Variants in RBM20 observed in about 807,000 individuals in gnomAD.
The protein encoded by RBM20 is RNA binding motif protein 20.
Under a neutral mutation model 110.1 loss-of-function variants are expected in RBM20, and 51 were observed. That is an observed-to-expected ratio of 0.46 (90% confidence interval 0.37 to 0.59). RBM20 has a LOEUF of 0.59. RBM20 is among the 20% of genes least tolerant of loss of function. The pLI is 0.00. For missense variants in RBM20, 1,512 were observed against 1,574.9 expected, an observed-to-expected ratio of 0.96 and a Z score of 0.68; for synonymous variants, 589 against 618.2, an observed-to-expected ratio of 0.95 and a Z score of 0.70.
chr10:110,828,811 T>C (rs73360826), intron 12 of RBM20, among the ~76,000 whole-genome samples: 1 of 152,178 alleles, frequency 6.6e-6, no homozygotes, highest in Admixed American at 6.5e-5. Context: ...CAAGGTTTTT[T>C]TTTGTTTGTT....
At chr10:110,648,716 G>GA (rs66484725) in intron 1 of RBM20, among the ~76,000 whole-genome samples, 6 of 61,120 alleles carry the variant, frequency 9.8e-5, no homozygotes, top group Non-Finnish European at 2.4e-4. Flanking sequence ...GGAAGAAAAG[G>GA]GGGGGGTGCT....
intron 7 of RBM20, among the ~76,000 whole-genome samples, chr10:110,804,336 C>G (rs1047249927): frequency 6.6e-6 from 1 of 152,054 alleles, no homozygotes; most frequent in Non-Finnish European, 1.5e-5. Context: ...GAGTGGCTAC[C>G]GGGAAGGTAG....
At chr10:110,791,455 C>T (rs980675687) in intron 5 of RBM20, among the ~76,000 whole-genome samples, 4 of 152,244 alleles carry the variant, frequency 2.6e-5, no homozygotes, top group Non-Finnish European at 5.9e-5. Context: ...TTTACGGCAA[C>T]TCTAAGTTAT....
At position 110,726,829 on chromosome 10, in the gene RBM20, C is replaced by T. The variant is rs184776667; in HGVS notation, c.192-53972C>T. On this transcript the variant is annotated intron_variant, in intron 1 of 13. Transcript: ENST00000369519. ...GAGGGCAGGGGCCCACAGGGAATCT[C>T]ACCTGAGCCTGTATTTTTGTTTTGT... 8.5e-4 allele frequency among the ~76,000 whole-genome samples: 130 copies of T among 152,278 alleles called. 1 individual carries two copies. Among genetic ancestry groups the T allele is most frequent in the Non-Finnish European group, 6.8e-4 (46 of 68,014 alleles).
chr10:110,695,178 C>G (rs981937856), intron 1 of RBM20, among the ~76,000 whole-genome samples: 2 of 152,152 alleles, frequency 1.3e-5, no homozygotes, highest in Non-Finnish European at 2.9e-5. Context: ...GTGGATGACC[C>G]AAAGACCCCT....
chr10:110,781,454 T>G lies in RBM20; in HGVS notation c.845T>G (p.Phe282Cys). 6.4e-7 allele frequency: 1 copy of G among 1,551,572 alleles called. No homozygotes were observed. The highest frequency in any genetic ancestry group is 8.7e-7 in the Non-Finnish European group (1 of 1,147,004). Reference protein sequence around the residue: ...QDGQAAFSKDFYGPNSQGSHV... With the variant: ...QDGQAAFSKDCYGPNSQGSHV... ...GGTCAAGCTGCCTTTTCCAAAGATTTTTACGGACCCAACTCCCAAGGTTCA... is the reference window on the plus strand; with the variant it reads ...GGTCAAGCTGCCTTTTCCAAAGATTGTTACGGACCCAACTCCCAAGGTTCA... Residue 282 changes from phenylalanine to cysteine, a missense_variant, in exon 2 of 14, where the codon TTT (phenylalanine) becomes TGT (cysteine). Physicochemically the swap from Phe to Cys is radical, Grantham distance 205 (BLOSUM62 -2). Transcript: ENST00000369519.
rs1216255393 is a variant in RBM20 at position 110,812,860 on chromosome 10, G to A, written c.2463G>A (p.Lys821=). The A allele has an allele frequency of 8.0e-6, 12 of 1,492,054 alleles. No individual in the cohort carries two copies. Among genetic ancestry groups the A allele is most frequent in the Non-Finnish European group, 1.1e-5 (12 of 1,122,552 alleles). 92.4% of individuals were successfully genotyped at this position (1,492,054 alleles called of 1,614,324 possible). The change falls in exon 9 of 14, where the codon AAG becomes AAA. Residue 821 remains lysine, a synonymous_variant. Transcript: ENST00000369519. ...VTRAPEGAKA[K]QNEKNKTKRT... is the part of the protein sequence containing the mutation. ...GGGCCCCTGAGGGCGCCAAGGCCAAGCAGAATGAGAAAAATAAAACCAAGA... is the reference window on the plus strand; with the variant it reads ...GGGCCCCTGAGGGCGCCAAGGCCAAACAGAATGAGAAAAATAAAACCAAGA...
At position 110,839,072 on chromosome 10, in the gene RBM20, C is replaced by G. The variant is rs1299585962; in HGVS notation, c.*3094C>G. The G allele has an allele frequency of 1.3e-5, 2 of 152,188 alleles. No homozygotes were observed. Among genetic ancestry groups the G allele is most frequent in the Admixed American group, 1.3e-4 (2 of 15,290 alleles). The allele number at this position is 152,188 out of a possible 1,614,324, so 9.4% of individuals were successfully genotyped here. On this transcript the variant is annotated 3_prime_UTR_variant, in exon 14 of 14. Transcript: ENST00000369519. Reference sequence around the variant, plus strand: ...CAATTGCTCCCTTAAGCAACAGATTCATATTTACCCTGGGTTAATACAACA... The same window carrying G: ...CAATTGCTCCCTTAAGCAACAGATTGATATTTACCCTGGGTTAATACAACA...
At chr10:110,659,319 C>T (rs2134820266) in intron 1 of RBM20, among the ~76,000 whole-genome samples, 1 of 152,326 alleles carries the variant, frequency 6.6e-6, no homozygotes, top group African/African-American at 2.4e-5. Context: ...GGGCTCCACT[C>T]TCAAGCCACT....
intron 1 of RBM20, among the ~76,000 whole-genome samples, chr10:110,743,858 C>T (rs759838231): frequency 1.3e-5 from 2 of 152,122 alleles, no homozygotes; most frequent in South Asian, 2.1e-4. Context: ...TCAGGTGATC[C>T]GACTACCTCA....
Position 110,838,675 on chromosome 10 carries a change from C to T in RBM20, c.*2697C>T, listed in dbSNP as rs956081036. 3 of 150,960 alleles carry T rather than the reference C, an allele frequency of 2.0e-5. No individual in the cohort carries two copies. Among genetic ancestry groups the T allele is most frequent in the Admixed American group, 2.0e-4 (3 of 15,172 alleles). The allele number at this position is 150,960 out of a possible 1,614,324, so 9.4% of individuals were successfully genotyped here. ...CACCCCCCATCCCCAGCAGCATTTC[C>T]ATGGAAATCCAGATGGTCGTGTAGT... On this transcript the variant is annotated 3_prime_UTR_variant, in exon 14 of 14. Transcript: ENST00000369519.
intron 1 of RBM20, among the ~76,000 whole-genome samples, chr10:110,662,504 C>G (rs1282895160): frequency 1.3e-5 from 2 of 152,086 alleles, no homozygotes; most frequent in East Asian, 3.9e-4. Context: ...AATTAAAGCT[C>G]CCAAGATTTT....
In RBM20 at chr10:110,819,201, T is replaced by C. The variant is rs150215425; in HGVS notation, c.2551-871T>C. Reference sequence around the variant, plus strand: ...CCAAAGTTTAAGTCATGGGAGAATATCCCCCAGAAACTTCTAATGTGGGGG... The same window carrying C: ...CCAAAGTTTAAGTCATGGGAGAATACCCCCCAGAAACTTCTAATGTGGGGG... On this transcript the variant is annotated intron_variant, in intron 9 of 13. Transcript: ENST00000369519. 7.2e-5 allele frequency among the ~76,000 whole-genome samples: 11 copies of C among 152,310 alleles called. No homozygotes were observed. In the East Asian group the frequency reaches 2.1e-3, roughly 29 times the overall value.
At chr10:110,668,868 A>G (rs1207460818) in intron 1 of RBM20, among the ~76,000 whole-genome samples, 2 of 151,268 alleles carry the variant, frequency 1.3e-5, no homozygotes, top group African/African-American at 4.9e-5. Context: ...CCCTGTGGTT[A>G]CTTTTTTAGT....
intron 9 of RBM20, among the ~76,000 whole-genome samples, chr10:110,817,348 C>T (rs1034210838): frequency 6.6e-6 from 1 of 152,232 alleles, no homozygotes; most frequent in African/African-American, 2.4e-5. Context: ...CAGATGCCAT[C>T]TAGAAGCCCC....
chr10:110,723,675 A>G (rs1311757213), intron 1 of RBM20, among the ~76,000 whole-genome samples: 1 of 152,228 alleles, frequency 6.6e-6, no homozygotes, highest in Non-Finnish European at 1.5e-5. Context: ...TTAGTGACTA[A>G]CAATGTTGAA....
chr10:110,776,553 C>T (rs1048315896), intron 1 of RBM20, among the ~76,000 whole-genome samples: 2 of 152,186 alleles, frequency 1.3e-5, no homozygotes, highest in Non-Finnish European at 1.5e-5. Flanking sequence ...TCAAAGCCAG[C>T]AGCAAAGCAT....
chr10:110,835,631 G>T, intron 13 of RBM20: 1 of 343,268 alleles, frequency 2.9e-6, no homozygotes, highest in South Asian at 5.4e-5. Flanking sequence ...CACCACGCTC[G>T]GCCTGTACTT....
intron 1 of RBM20, 45 bp from the exon 2 acceptor site, chr10:110,780,756 C>A (rs1054187967): frequency 6.8e-6 from 10 of 1,468,740 alleles, no homozygotes; most frequent in Admixed American, 5.0e-5. Flanking sequence ...CCTTGCCCCC[C>A]TCATTGAAAA....
Sources: gnomAD v4.1 joint callset for allele counts (sites outside exome capture counted in the v4.1 genomes callset) on GRCh38, gnomAD v4.1.1 for gene constraint, MANE v1.5 for transcripts, NCBI Gene and HGNC (gene_info 2026-07-23, HGNC 2026-07-21) for gene names.